Variants in HS6ST3 observed in about 807,000 individuals in gnomAD.
HS6ST3 encodes the protein heparan-sulfate 6-O-sulfotransferase 3.
HS6ST3 carries 12 observed loss-of-function variants against 36.7 expected under a neutral mutation model. That is an observed-to-expected ratio of 0.33 (90% confidence interval 0.21 to 0.53). The LOEUF (loss-of-function observed/expected upper bound fraction) is 0.53. HS6ST3 is among the 20% of genes least tolerant of loss of function. The probability of loss-of-function intolerance (pLI) is 0.95; values close to 1 mark genes in which losing one functional copy is unlikely to be tolerated. For missense variants in HS6ST3, 584 were observed against 640.9 expected (o/e 0.91, Z 0.96); for synonymous variants, 240 against 257.5 (o/e 0.93, Z 0.65).
chr13:96,680,116 C>T (rs1178937493), intron 1 of HS6ST3, among the ~76,000 whole-genome samples: 8 of 152,086 alleles, frequency 5.3e-5, no homozygotes, highest in East Asian at 1.9e-4. Flanking sequence ...GGATGAGAGC[C>T]GGCTGCTATG....
At chr13:96,452,736 C>A (rs1400853306) in intron 1 of HS6ST3, among the ~76,000 whole-genome samples, 1 of 152,014 alleles carries the variant, frequency 6.6e-6, no homozygotes, top group Non-Finnish European at 1.5e-5. Flanking sequence ...GGCACCTATT[C>A]TTCTATGTTT....
At chr13:96,611,498 C>T (rs1187191553) in intron 1 of HS6ST3, among the ~76,000 whole-genome samples, 1 of 152,110 alleles carries the variant, frequency 6.6e-6, no homozygotes, top group Non-Finnish European at 1.5e-5. Flanking sequence ...AAGATATGAC[C>T]TCTACCTTCA....
At chr13:96,276,686 TC>T (rs542383421) in intron 1 of HS6ST3, among the ~76,000 whole-genome samples, 128 of 152,332 alleles carry the variant, frequency 8.4e-4, no homozygotes, top group African/African-American at 3.0e-3. Flanking sequence ...AGCTAATCTC[TC>T]CTAGAGAATT....
intron 1 of HS6ST3, among the ~76,000 whole-genome samples, chr13:96,428,268 G>A (rs1033138246): frequency 1.3e-5 from 2 of 152,184 alleles, no homozygotes; most frequent in Non-Finnish European, 2.9e-5. Flanking sequence ...AGAATCGCTT[G>A]ACAGGGAGTC....
intron 1 of HS6ST3, among the ~76,000 whole-genome samples, chr13:96,815,441 A>T (rs866523050): frequency 2.6e-5 from 4 of 152,102 alleles, no homozygotes; most frequent in African/African-American, 9.7e-5. Flanking sequence ...TGGTGGTTAG[A>T]ACTTCAACAT....
At chr13:96,112,416 C>T (rs2053872584) in intron 1 of HS6ST3, among the ~76,000 whole-genome samples, 1 of 151,058 alleles carries the variant, frequency 6.6e-6, no homozygotes, top group African/African-American at 2.4e-5. Flanking sequence ...CAAGGGAAAA[C>T]ATGAAAGATT....
chr13:96,240,750 A>G (rs2054556010), intron 1 of HS6ST3, among the ~76,000 whole-genome samples: 1 of 152,220 alleles, frequency 6.6e-6, no homozygotes, highest in Non-Finnish European at 1.5e-5. Flanking sequence ...CTGGGATGCT[A>G]TTGGAAATTT....
intron 1 of HS6ST3, among the ~76,000 whole-genome samples, chr13:96,668,607 G>C (rs1488438106): frequency 6.8e-6 from 1 of 146,572 alleles, no homozygotes; most frequent in Non-Finnish European, 1.5e-5. Context: ...GAACTGGCCA[G>C]TGCATATTCA....
intron 1 of HS6ST3, among the ~76,000 whole-genome samples, chr13:96,107,760 G>C (rs918534537): frequency 1.3e-5 from 2 of 152,190 alleles, no homozygotes; most frequent in African/African-American, 4.8e-5. Flanking sequence ...TCTTACGCCT[G>C]TCTTTACTGC....
chr13:96,589,187 G>A (rs1209482840), intron 1 of HS6ST3, among the ~76,000 whole-genome samples: 11 of 151,712 alleles, frequency 7.3e-5, no homozygotes, highest in Admixed American at 2.0e-4. Context: ...GCTTTTTGTT[G>A]ATTAGAGATT....
intron 1 of HS6ST3, among the ~76,000 whole-genome samples, chr13:96,424,759 C>T (rs1256398246): frequency 1.3e-5 from 2 of 152,120 alleles, no homozygotes; most frequent in Non-Finnish European, 2.9e-5. Context: ...TACCATTACA[C>T]TGCACATTAG....
intron 1 of HS6ST3, among the ~76,000 whole-genome samples, chr13:96,645,773 G>T (rs989892705): frequency 3.3e-5 from 5 of 151,886 alleles, no homozygotes; most frequent in African/African-American, 1.2e-4. Flanking sequence ...TCAGGCAAGA[G>T]AATTTGAACT....
At chr13:96,232,308 A>C (rs574021052) in intron 1 of HS6ST3, among the ~76,000 whole-genome samples, 1 of 152,110 alleles carries the variant, frequency 6.6e-6, no homozygotes, top group South Asian at 2.1e-4. Flanking sequence ...CAAATGTGAA[A>C]GCTTCGCTGG....
At chr13:96,111,286 T>C (rs490753) in intron 1 of HS6ST3, among the ~76,000 whole-genome samples, 124,573 of 152,130 alleles carry the variant, frequency 0.82, 51,395 homozygotes, top group East Asian at 0.91. Context: ...TGAATGTGCA[T>C]ATTAAGGCAC....
At chr13:96,440,068 T>A (rs765762259) in intron 1 of HS6ST3, among the ~76,000 whole-genome samples, 1 of 152,216 alleles carries the variant, frequency 6.6e-6, no homozygotes, top group Non-Finnish European at 1.5e-5. Context: ...TTTGGGTAGA[T>A]CTTGCCTATT....
chr13:96,456,373 G>A (rs1309038817), intron 1 of HS6ST3, among the ~76,000 whole-genome samples: 4 of 152,108 alleles, frequency 2.6e-5, no homozygotes, highest in African/African-American at 7.2e-5. Context: ...TTTCAGATGA[G>A]ACACAGTGGT....
At chr13:96,638,200 TA>T (rs1347956049) in intron 1 of HS6ST3, among the ~76,000 whole-genome samples, 4 of 152,052 alleles carry the variant, frequency 2.6e-5, no homozygotes, top group Non-Finnish European at 4.4e-5. Context: ...GTACCAGAAA[TA>T]TATAATTCCA....
At chr13:96,221,100 C>T (rs75467223) in intron 1 of HS6ST3, among the ~76,000 whole-genome samples, 2,075 of 152,260 alleles carry the variant, frequency 0.014, 21 homozygotes, top group Non-Finnish European at 0.022. Context: ...GCCCTCCCTC[C>T]ACCATAAAAA....
chr13:96,741,713 T>A (rs527966908), intron 1 of HS6ST3, among the ~76,000 whole-genome samples: 28 of 152,300 alleles, frequency 1.8e-4, no homozygotes, highest in African/African-American at 5.3e-4. Context: ...GGAAAATAAA[T>A]AGAAGAAAAT....
Sources: allele counts gnomAD v4.1 joint callset (sites outside exome capture counted in the v4.1 genomes callset), GRCh38; gene constraint gnomAD v4.1.1; transcripts MANE v1.5; gene names NCBI Gene and HGNC (gene_info 2026-07-23, HGNC 2026-07-21).